The following ADAMTSL1 variants were observed in gnomAD, a reference collection of about 807,000 sequenced individuals.
ADAMTSL1 encodes ADAMTS like 1, also known as ADAMTS-like protein 1.
ADAMTSL1 carries 126 observed loss-of-function variants against 201.8 expected under a neutral mutation model. The observed-to-expected ratio is 0.62, with a 90% confidence interval of 0.54 to 0.72. ADAMTSL1 has a LOEUF of 0.72. Ranked by LOEUF, ADAMTSL1 falls within the 30% of genes least tolerant of loss-of-function variation. ADAMTSL1 has a pLI of 0.00. For missense variants in ADAMTSL1, 2,679 were observed against 2,277.8 expected (o/e 1.18, Z -3.59); for synonymous variants, 1,121 against 903.4 (o/e 1.24, Z -4.32).
At chr9:18,638,971 C>T (rs949187998) in intron 6 of ADAMTSL1, among the ~76,000 whole-genome samples, 1 of 152,000 alleles carries the variant, frequency 6.6e-6, no homozygotes, top group African/African-American at 2.4e-5. Context: ...TGCAGTAAAG[C>T]GGGATGCCCA....
At chr9:18,710,656 C>T (rs1380833697) in intron 14 of ADAMTSL1, among the ~76,000 whole-genome samples, 1 of 130,706 alleles carries the variant, frequency 7.7e-6, no homozygotes, top group Non-Finnish European at 1.6e-5. Flanking sequence ...CTTAGAAGGG[C>T]CTAAGTTTTG....
intron 1 of ADAMTSL1, among the ~76,000 whole-genome samples, chr9:18,038,365 A>T (rs1410509904): frequency 6.6e-6 from 1 of 152,192 alleles, no homozygotes; most frequent in Non-Finnish European, 1.5e-5. Context: ...AATCAAAACC[A>T]AAACTATTCC....
chr9:18,128,156 C>T (rs1303983779), intron 1 of ADAMTSL1, among the ~76,000 whole-genome samples: 1 of 152,172 alleles, frequency 6.6e-6, no homozygotes, highest in African/African-American at 2.4e-5. Flanking sequence ...TATGCAAACT[C>T]TCAAATGCAT....
intron 1 of ADAMTSL1, among the ~76,000 whole-genome samples, chr9:18,026,873 C>T (rs960287275): frequency 6.6e-6 from 1 of 151,818 alleles, no homozygotes; most frequent in Admixed American, 6.6e-5. Flanking sequence ...ATTACTGATT[C>T]AGTTTCAGAA....
chr9:17,932,466 C>T (rs1260077437), intron 1 of ADAMTSL1, among the ~76,000 whole-genome samples: 2 of 152,182 alleles, frequency 1.3e-5, no homozygotes, highest in Middle Eastern at 3.4e-3. Flanking sequence ...CTTTTTTGTC[C>T]TGGTTGCTTT....
intron 2 of ADAMTSL1, among the ~76,000 whole-genome samples, chr9:18,396,165 G>T (rs1394937716): frequency 6.6e-6 from 1 of 152,106 alleles, no homozygotes; most frequent in Non-Finnish European, 1.5e-5. Context: ...TAAACTGTTG[G>T]CCTGCCTCTT....
At chr9:18,473,426 C>A (rs1029491631), upstream of ADAMTSL1, among the ~76,000 whole-genome samples, 18 of 152,290 alleles carry the variant, frequency 1.2e-4, no homozygotes, top group Non-Finnish European at 2.5e-4. Context: ...TTACAATTAG[C>A]AAATCTTAAA....
At chr9:18,172,211 G>A (rs1337513722) in intron 2 of ADAMTSL1, among the ~76,000 whole-genome samples, 1 of 151,900 alleles carries the variant, frequency 6.6e-6, no homozygotes, top group Non-Finnish European at 1.5e-5. Context: ...AACAACCATG[G>A]CACGTGTATA....
intron 20 of ADAMTSL1, among the ~76,000 whole-genome samples, chr9:18,813,652 T>G (rs1588152299): frequency 6.6e-6 from 1 of 152,254 alleles, no homozygotes; most frequent in Non-Finnish European, 1.5e-5. Context: ...CTACAGATTT[T>G]TGTTTGTTGA....
At chr9:18,882,516 G>A (rs1016433671) in intron 23 of ADAMTSL1, among the ~76,000 whole-genome samples, 1 of 152,150 alleles carries the variant, frequency 6.6e-6, no homozygotes, top group African/African-American at 2.4e-5. Context: ...TACAATTAGG[G>A]TTGGAGGGTA....
At chr9:18,731,921 C>G (rs1818238445) in intron 15 of ADAMTSL1, among the ~76,000 whole-genome samples, 2 of 152,176 alleles carry the variant, frequency 1.3e-5, no homozygotes, top group Non-Finnish European at 2.9e-5. Context: ...CACCTCCCAC[C>G]AGGCCCCACC....
chr9:18,144,442 G>A (rs1421107199), intron 1 of ADAMTSL1, among the ~76,000 whole-genome samples: 4 of 152,056 alleles, frequency 2.6e-5, no homozygotes, highest in Non-Finnish European at 5.9e-5. Context: ...CTGACCTCAG[G>A]TGATCCTCCC....
intron 2 of ADAMTSL1, among the ~76,000 whole-genome samples, chr9:18,405,557 A>C (rs2133285504): frequency 6.6e-6 from 1 of 152,046 alleles, no homozygotes; most frequent in South Asian, 2.1e-4. Flanking sequence ...GAGGGAAAAA[A>C]GGTCATGCCA....
rs532479780 is a variant in ADAMTSL1, at chr9:18,042,211, T to C, written c.88-121651T>C. 9.9e-5 allele frequency among the ~76,000 whole-genome samples: 15 copies of C among 152,140 alleles called. No homozygotes were observed. The South Asian group carries it at 2.5e-3, about 25-fold the overall frequency. On this transcript the variant is annotated intron_variant, in intron 1 of 29. Transcript: ENST00000680146. ...TAAGTGATGTACAAATTATGAAGCA[T>C]AGAAATAGTTAAGATTCATATGCAA...
chr9:18,842,094 T>G (rs1825758747), intron 23 of ADAMTSL1, among the ~76,000 whole-genome samples: 1 of 151,880 alleles, frequency 6.6e-6, no homozygotes, highest in African/African-American at 2.4e-5. Flanking sequence ...TGAATGTGTT[T>G]GCTCTTGCTT....
At position 17,912,010 on chromosome 9, in the gene ADAMTSL1, T is replaced by C. The variant is rs562060036; in HGVS notation, c.87+5088T>C. Among the ~76,000 whole-genome samples, 236 of 56,294 alleles carry C rather than the reference T, an allele frequency of 4.2e-3. 56 individuals carry two copies. Among genetic ancestry groups the C allele is most frequent in the Middle Eastern group, 0.017 (2 of 118 alleles). 36.9% of individuals were successfully genotyped at this position (56,294 alleles called of 152,430 possible). A position where few individuals can be genotyped will look rare whatever the true frequency, so the allele number is the denominator to read the frequency against. On this transcript the variant is annotated intron_variant, in intron 1 of 29. Transcript: ENST00000680146. ...CTCATCCATGTCCCTACAAAGGACA[T>C]GAACTCATCATTTTTTATGGCTGCA...
chr9:18,615,426 C>T (rs1332517247), intron 4 of ADAMTSL1, among the ~76,000 whole-genome samples: 1 of 152,216 alleles, frequency 6.6e-6, no homozygotes, highest in Non-Finnish European at 1.5e-5. Context: ...AACCATCGTT[C>T]ATCCCTGTGC....
chr9:18,486,652 C>T (rs1172618366), intron 1 of ADAMTSL1, among the ~76,000 whole-genome samples: 1 of 152,102 alleles, frequency 6.6e-6, no homozygotes, highest in Non-Finnish European at 1.5e-5. Context: ...CTGCAGTGAG[C>T]CGAGATTGTG....
chr9:18,402,959 A>C (rs1367697441), intron 2 of ADAMTSL1, among the ~76,000 whole-genome samples: 2 of 152,160 alleles, frequency 1.3e-5, no homozygotes, highest in African/African-American at 4.8e-5. Flanking sequence ...GAATCTTATG[A>C]GGTTGACTTC....
Sources: allele counts gnomAD v4.1 joint callset (sites outside exome capture counted in the v4.1 genomes callset), GRCh38; gene constraint gnomAD v4.1.1; transcripts MANE v1.5; gene names NCBI Gene and HGNC (gene_info 2026-07-23, HGNC 2026-07-21).